The following STXBP5L variants were observed in gnomAD, a reference collection of about 807,000 sequenced individuals.
The protein encoded by STXBP5L is syntaxin binding protein 5L.
A neutral mutation model predicts 144.5 loss-of-function variants in STXBP5L; 65 were observed. The observed-to-expected ratio is 0.45, with a 90% confidence interval of 0.37 to 0.55. STXBP5L has a LOEUF of 0.55. Among genes scored for constraint, STXBP5L ranks in the 20% least tolerant of loss-of-function variants. The pLI, the probability that STXBP5L is intolerant of heterozygous loss-of-function variation, is 0.00. For synonymous variants in STXBP5L, 505 were observed against 469.6 expected (o/e 1.08, Z -0.97); for missense variants, 1,298 against 1,405.5 (o/e 0.92, Z 1.22).
chr3:121,328,317 T>A (rs185964277), intron 20 of STXBP5L, among the ~76,000 whole-genome samples: 2 of 152,212 alleles, frequency 1.3e-5, no homozygotes, highest in Non-Finnish European at 2.9e-5. Flanking sequence ...CCTGACAAGA[T>A]TCTTGTGAAG....
chr3:121,190,900 C>G (rs1471279980), intron 9 of STXBP5L, among the ~76,000 whole-genome samples: 1 of 149,796 alleles, frequency 6.7e-6, no homozygotes, highest in Admixed American at 6.6e-5. Context: ...AGTTCCCAGA[C>G]GGGGTCACGG....
intron 20 of STXBP5L, among the ~76,000 whole-genome samples, chr3:121,363,370 T>C (rs2045770594): frequency 1.3e-5 from 2 of 152,162 alleles, no homozygotes; most frequent in East Asian, 3.9e-4. Flanking sequence ...TCAAATTTAT[T>C]TGGAGACACA....
intron 20 of STXBP5L, among the ~76,000 whole-genome samples, chr3:121,353,696 G>A (rs1425486557): frequency 1.3e-5 from 2 of 152,054 alleles, no homozygotes; most frequent in Non-Finnish European, 2.9e-5. Context: ...GATCTGCTCT[G>A]ATCTTAGTTA....
At chr3:120,946,737 A>G (rs1710878296) in intron 2 of STXBP5L, among the ~76,000 whole-genome samples, 1 of 151,748 alleles carries the variant, frequency 6.6e-6, no homozygotes, top group African/African-American at 2.4e-5. Flanking sequence ...GTTCCCAATT[A>G]TACTAAGAAA....
intron 3 of STXBP5L, among the ~76,000 whole-genome samples, chr3:120,974,781 A>G (rs995761120): frequency 1.3e-5 from 2 of 152,108 alleles, no homozygotes; most frequent in Admixed American, 1.3e-4. Flanking sequence ...TTTTCCCAGC[A>G]CCATTTATTA....
intron 24 of STXBP5L, among the ~76,000 whole-genome samples, chr3:121,414,437 G>A (rs940593928): frequency 6.6e-6 from 1 of 152,124 alleles, no homozygotes; most frequent in Non-Finnish European, 1.5e-5. Context: ...CAGCTATCCT[G>A]TTTCTAGTCT....
chr3:121,304,383 T>A (rs1238608596), intron 19 of STXBP5L, among the ~76,000 whole-genome samples: 1 of 152,154 alleles, frequency 6.6e-6, no homozygotes, highest in African/African-American at 2.4e-5. Flanking sequence ...CAGATTGATC[T>A]AATAACATAC....
intron 20 of STXBP5L, among the ~76,000 whole-genome samples, chr3:121,358,951 T>A (rs1323762723): frequency 6.6e-6 from 1 of 152,048 alleles, no homozygotes; most frequent in Non-Finnish European, 1.5e-5. Flanking sequence ...AATATACAGA[T>A]TTTTTTTCTT....
At chr3:120,934,633 GTACTTC>G (rs1710162464) in intron 2 of STXBP5L, among the ~76,000 whole-genome samples, 1 of 151,966 alleles carries the variant, frequency 6.6e-6, no homozygotes, top group Admixed American at 6.6e-5. Flanking sequence ...ATTTCTCCTT[GTACTTC>G]TATTAGTTTT....
intron 5 of STXBP5L, among the ~76,000 whole-genome samples, chr3:121,050,404 T>C (rs953806391): frequency 2.6e-5 from 4 of 151,944 alleles, no homozygotes; most frequent in African/African-American, 4.8e-5. Flanking sequence ...TAAAGAGTTG[T>C]TCAGAAGAGA....
chr3:121,353,348 A>G (rs1277395335), intron 20 of STXBP5L, among the ~76,000 whole-genome samples: 2 of 151,960 alleles, frequency 1.3e-5, no homozygotes, highest in African/African-American at 2.4e-5. Flanking sequence ...TAATTATCAC[A>G]TCAGTTTCAG....
intron 3 of STXBP5L, among the ~76,000 whole-genome samples, chr3:120,996,500 C>G (rs1362516675): frequency 6.6e-6 from 1 of 152,056 alleles, no homozygotes; most frequent in East Asian, 1.9e-4. Flanking sequence ...TAGCAAACTT[C>G]AAGTATACAA....
At chr3:121,164,709 A>G (rs2046440310) in intron 9 of STXBP5L, among the ~76,000 whole-genome samples, 1 of 152,212 alleles carries the variant, frequency 6.6e-6, no homozygotes, top group Non-Finnish European at 1.5e-5. Flanking sequence ...ATGCAGCCTT[A>G]AAAAGGAAAG....
At chr3:121,185,053 A>G (rs1223067940) in intron 9 of STXBP5L, among the ~76,000 whole-genome samples, 1 of 152,256 alleles carries the variant, frequency 6.6e-6, no homozygotes, top group Non-Finnish European at 1.5e-5. Flanking sequence ...AGAGCTCCTG[A>G]AAGAAGCACT....
chr3:121,059,984 C>T (rs763957433), intron 5 of STXBP5L, among the ~76,000 whole-genome samples: 3 of 152,050 alleles, frequency 2.0e-5, no homozygotes, highest in Non-Finnish European at 2.9e-5. Flanking sequence ...GCCTGATTGC[C>T]CTGGCTAGAA....
chr3:121,293,718 G>A (rs1431777352), intron 19 of STXBP5L, among the ~76,000 whole-genome samples: 2 of 152,180 alleles, frequency 1.3e-5, no homozygotes, highest in Non-Finnish European at 2.9e-5. Flanking sequence ...AAAATTAGCC[G>A]GGTGTATTGG....
At chr3:121,414,681 A>G (rs1477923486) in intron 24 of STXBP5L, among the ~76,000 whole-genome samples, 1 of 152,236 alleles carries the variant, frequency 6.6e-6, no homozygotes, top group Non-Finnish European at 1.5e-5. Context: ...CTGCCAAAAA[A>G]GTGCAGAATT....
intron 9 of STXBP5L, among the ~76,000 whole-genome samples, chr3:121,189,161 T>C (rs1027130034): frequency 2.6e-5 from 4 of 152,214 alleles, no homozygotes; most frequent in Non-Finnish European, 5.9e-5. Flanking sequence ...TTTTCTCCCA[T>C]TCTTTAAGTT....
rs1462147413 is a variant in STXBP5L, at chr3:120,994,304, G to T, written c.287+39267G>T. Among the ~76,000 whole-genome samples the T allele has an allele frequency of 2.0e-5, 3 of 151,908 alleles. No homozygotes were observed. The East Asian group carries it at 5.8e-4, about 29-fold the overall frequency. On this transcript the variant is annotated intron_variant, in intron 3 of 26. Coordinates refer to ENST00000471454, the MANE Select transcript of STXBP5L (RefSeq NM_001308330.2). ...TTTTTTCTCCTGCCTAATTGCTCTG[G>T]CTAGAATTTTCAGTACTATGTTTTA...
Sources: allele counts gnomAD v4.1 joint callset (sites outside exome capture counted in the v4.1 genomes callset), GRCh38; gene constraint gnomAD v4.1.1; transcripts MANE v1.5; gene names NCBI Gene and HGNC (gene_info 2026-07-23, HGNC 2026-07-21).